TINAG: variants seen among roughly 807,000 people sequenced by gnomAD.
The protein encoded by TINAG is tubulointerstitial nephritis antigen.
In TINAG, 83 loss-of-function variants were observed where a neutral mutation model predicts 72.7. That is an observed-to-expected ratio of 1.14 (90% CI 0.96 to 1.37). The LOEUF is 1.37. Ranked by LOEUF, TINAG falls within the 40% of genes most tolerant of loss-of-function variation. The probability of loss-of-function intolerance (pLI) is 0.00; values close to 1 mark genes in which losing one functional copy is unlikely to be tolerated. For synonymous variants in TINAG, 234 were observed against 189.9 expected (o/e 1.23, Z -1.91); for missense variants, 685 against 576.6 (o/e 1.19, Z -1.93).
At chr6:54,327,243 T>A in intron 4 of TINAG, 2 of 1,448,682 alleles carry the variant, frequency 1.4e-6, no homozygotes, top group Non-Finnish European at 1.8e-6. Flanking sequence ...CATTACCAAC[T>A]GAGGTACACG....
intron 9 of TINAG, among the ~76,000 whole-genome samples, chr6:54,355,785 T>G (rs1371979153): frequency 6.6e-6 from 1 of 151,142 alleles, no homozygotes; most frequent in Non-Finnish European, 1.5e-5. Context: ...TAATAACCTC[T>G]GTTGAAATCT....
intron 9 of TINAG, among the ~76,000 whole-genome samples, chr6:54,355,977 A>G (rs1763026529): frequency 6.6e-6 from 1 of 151,946 alleles, no homozygotes; most frequent in Non-Finnish European, 1.5e-5. Context: ...CTAGCAGTAT[A>G]TAAAAATGCC....
intron 4 of TINAG, among the ~76,000 whole-genome samples, chr6:54,329,352 G>C (rs1784682973): frequency 2.6e-5 from 4 of 152,078 alleles, no homozygotes; most frequent in Non-Finnish European, 5.9e-5. Context: ...TTTCAGCTCA[G>C]AATTTCATAT....
At chr6:54,375,113 T>C (rs562877791) in intron 9 of TINAG, among the ~76,000 whole-genome samples, 10 of 152,274 alleles carry the variant, frequency 6.6e-5, no homozygotes, top group Non-Finnish European at 1.2e-4. Context: ...CTATTTTTCT[T>C]TTTCTTCTAA....
chr6:54,368,349 A>G (rs1045337172), intron 9 of TINAG, among the ~76,000 whole-genome samples: 24 of 147,854 alleles, frequency 1.6e-4, no homozygotes, highest in African/African-American at 5.4e-4. Flanking sequence ...TTAAATATTA[A>G]ATAATAGTTA....
chr6:54,346,271 T>A (rs1355061602), intron 5 of TINAG, among the ~76,000 whole-genome samples: 1 of 152,056 alleles, frequency 6.6e-6, no homozygotes, highest in African/African-American at 2.4e-5. Context: ...TTCTTGTTCA[T>A]CATTGTAATT....
At chr6:54,359,873 C>A (rs558314658) in intron 9 of TINAG, among the ~76,000 whole-genome samples, 1 of 151,856 alleles carries the variant, frequency 6.6e-6, no homozygotes, top group South Asian at 2.1e-4. Context: ...AGAGAGCAAT[C>A]AAATAGCTCA....
chr6:54,372,836 C>T (rs1289701718), intron 9 of TINAG, among the ~76,000 whole-genome samples: 3 of 149,760 alleles, frequency 2.0e-5, no homozygotes, highest in Non-Finnish European at 4.4e-5. Context: ...TGTTAAAAGG[C>T]ATATGTTGCT....
intron 4 of TINAG, among the ~76,000 whole-genome samples, chr6:54,336,232 T>C (rs1351946407): frequency 6.6e-6 from 1 of 152,130 alleles, no homozygotes; most frequent in Admixed American, 6.6e-5. Context: ...ACTTAGATTA[T>C]AGTAAAGTTT....
intron 9 of TINAG, among the ~76,000 whole-genome samples, chr6:54,373,513 T>C (rs1000260243): frequency 6.6e-6 from 1 of 152,148 alleles, no homozygotes; most frequent in Non-Finnish European, 1.5e-5. Context: ...AGTGATAATT[T>C]AGCCACTTAA....
At chr6:54,345,309 T>C (rs916561351) in intron 5 of TINAG, among the ~76,000 whole-genome samples, 5 of 152,132 alleles carry the variant, frequency 3.3e-5, no homozygotes, top group Non-Finnish European at 5.9e-5. Context: ...GACCAACATA[T>C]TGCATAACAT....
At chr6:54,380,419 C>G in intron 9 of TINAG, 107 bp from the exon 10 acceptor site, 1 of 873,420 alleles carries the variant, frequency 1.1e-6, no homozygotes, top group Admixed American at 2.3e-5. Flanking sequence ...CAGGATGGGA[C>G]AGAGAGAAAG....
chr6:54,360,938 T>A (rs1461437222), intron 9 of TINAG, among the ~76,000 whole-genome samples: 2 of 145,812 alleles, frequency 1.4e-5, no homozygotes, highest in Non-Finnish European at 3.0e-5. Context: ...TTCAACAGCA[T>A]GTGCTTGCTT....
chr6:54,346,662 G>C (rs542399063), intron 5 of TINAG, among the ~76,000 whole-genome samples: 1 of 151,566 alleles, frequency 6.6e-6, no homozygotes, highest in Admixed American at 6.6e-5. Flanking sequence ...TATTCACTTC[G>C]TTTTATATAT....
intron 9 of TINAG, among the ~76,000 whole-genome samples, chr6:54,358,026 G>T (rs190026548): frequency 6.6e-6 from 1 of 151,726 alleles, no homozygotes; most frequent in South Asian, 2.1e-4. Context: ...TCTGTACCTT[G>T]ATTTCCTGCT....
At chr6:54,371,994 T>TG (rs1562180690) in intron 9 of TINAG, among the ~76,000 whole-genome samples, 14 of 141,044 alleles carry the variant, frequency 9.9e-5, no homozygotes, top group African/African-American at 3.6e-4. Context: ...TTTTTTTTTT[T>TG]TTTTTTTTTT....
At chr6:54,375,838 C>A (rs1384624628) in intron 9 of TINAG, among the ~76,000 whole-genome samples, 1 of 152,170 alleles carries the variant, frequency 6.6e-6, no homozygotes, top group Admixed American at 6.6e-5. Flanking sequence ...GGAGACTATA[C>A]CCGATGCTAA....
intron 9 of TINAG, among the ~76,000 whole-genome samples, chr6:54,359,950 G>A (rs1763170936): frequency 6.6e-6 from 1 of 151,668 alleles, no homozygotes; most frequent in African/African-American, 2.4e-5. Context: ...AATGTAACAC[G>A]ACAAATTCTG....
intron 1 of TINAG, among the ~76,000 whole-genome samples, chr6:54,317,729 T>C (rs531514295): frequency 2.0e-5 from 3 of 152,182 alleles, no homozygotes; most frequent in Non-Finnish European, 4.4e-5. Flanking sequence ...CTTAACTTCA[T>C]GTCTTTAACC....
Sources: allele counts gnomAD v4.1 joint callset (sites outside exome capture counted in the v4.1 genomes callset), GRCh38; gene constraint gnomAD v4.1.1; transcripts MANE v1.5; gene names NCBI Gene and HGNC (gene_info 2026-07-23, HGNC 2026-07-21).